Variants in C9orf72 observed in about 807,000 individuals in gnomAD.
The protein encoded by C9orf72 is guanine nucleotide exchange factor C9orf72.
C9orf72 carries 44 observed loss-of-function variants against 51.6 expected under a neutral mutation model. The ratio of observed to expected loss-of-function variants is 0.85; its 90% CI spans 0.67 to 1.10. The LOEUF is 1.10. C9orf72 is among the 50% of genes least tolerant of loss of function. The pLI is 0.00. For synonymous variants in C9orf72, 213 were observed against 194.2 expected, an observed-to-expected ratio of 1.10 and a Z score of -0.81; for missense variants, 607 against 570.6, an observed-to-expected ratio of 1.06 and a Z score of -0.65.
At chr9:27,573,178 G>A (rs1266370137) in intron 1 of C9orf72, among the ~76,000 whole-genome samples, 1 of 152,180 alleles carries the variant, frequency 6.6e-6, no homozygotes, top group African/African-American at 2.4e-5. Flanking sequence ...GGAAAGCAAG[G>A]AAGAGGCCAG....
chr9:27,565,712 G>GA (rs1819453039), intron 2 of C9orf72, 122 bp from the exon 3 acceptor site: 4 of 631,492 alleles, frequency 6.3e-6, no homozygotes, highest in Admixed American at 5.6e-5. Flanking sequence ...CTACTTTAGG[G>GA]AAAAAATGGG....
At chr9:27,561,743 A>C (rs1294491090) in intron 4 of C9orf72, 94 bp from the exon 5 acceptor site, 1 of 709,702 alleles carries the variant, frequency 1.4e-6, no homozygotes, top group Non-Finnish European at 2.4e-6. Context: ...GTCTGGATTC[A>C]ATATAACACA....
chr9:27,553,855 A>G (rs1820957021), intron 8 of C9orf72, among the ~76,000 whole-genome samples: 1 of 152,148 alleles, frequency 6.6e-6, no homozygotes, highest in Admixed American at 6.6e-5. Flanking sequence ...AACAAGCAAA[A>G]AACAACCCAC....
At chr9:27,556,871 T>C (rs1390600890) in intron 7 of C9orf72, 75 bp from the exon 8 acceptor site, 2 of 1,024,356 alleles carry the variant, frequency 2.0e-6, no homozygotes, top group Middle Eastern at 2.2e-4. Context: ...TTTTAAAAAA[T>C]GGTCTCTGAT....
chr9:27,561,199 C>T, intron 5 of C9orf72: 1 of 990,248 alleles, frequency 1.0e-6, no homozygotes. Flanking sequence ...AACTCCACTG[C>T]TGGATGGAAA....
intron 1 of C9orf72, among the ~76,000 whole-genome samples, chr9:27,571,464 T>C (rs1819584835): frequency 6.6e-6 from 1 of 152,152 alleles, no homozygotes; most frequent in African/African-American, 2.4e-5. Flanking sequence ...CCCTCACTTC[T>C]TGTTTTTTAG....
At chr9:27,565,366 G>A (rs539221679) in intron 3 of C9orf72, among the ~76,000 whole-genome samples, 165 bp downstream of exon 3, 10 of 151,852 alleles carry the variant, frequency 6.6e-5, no homozygotes, top group Non-Finnish European at 1.5e-5. Flanking sequence ...TAACTCTTTG[G>A]GTTTAAGATA....
chr9:27,562,626 T>G (rs1587314379), intron 3 of C9orf72, 150 bp from the exon 4 acceptor site: 1 of 427,996 alleles, frequency 2.3e-6, no homozygotes, highest in Non-Finnish European at 4.1e-6. Context: ...GTCTACTACA[T>G]GTCTAAAGGA....
intron 8 of C9orf72, among the ~76,000 whole-genome samples, chr9:27,555,087 G>C (rs556131945): frequency 2.0e-5 from 3 of 151,964 alleles, no homozygotes; most frequent in Admixed American, 2.0e-4. Context: ...ATCAAAAAAC[G>C]GAAAAAATAC....
chr9:27,563,461 G>T (rs1053454622), intron 3 of C9orf72, among the ~76,000 whole-genome samples: 12 of 152,076 alleles, frequency 7.9e-5, no homozygotes, highest in Non-Finnish European at 1.6e-4. Context: ...ATTGTCAAAT[G>T]ACTATGCATT....
intron 1 of C9orf72, among the ~76,000 whole-genome samples, chr9:27,573,213 G>T (rs1819628883): frequency 6.6e-6 from 1 of 151,354 alleles, no homozygotes; most frequent in African/African-American, 2.4e-5. Flanking sequence ...TCCCTGCGCC[G>T]CCGCCGCCGC....
rs1820821853 is a variant in C9orf72, at chr9:27,548,433, TGGA to T, written c.1260-14_1260-12del. 1.0e-5 allele frequency: 3 copies of T among 286,072 alleles called. No individual in the cohort carries two copies. The highest frequency in any genetic ancestry group is 1.3e-5 in the Non-Finnish European group (3 of 232,288). 17.7% of individuals were successfully genotyped at this position (286,072 alleles called of 1,614,324 possible). ...TTTTTTCCCTTCTGCCTAAAAATAATGGAAAAAAAAAAAAAAAAAAAAAAAAAA... is the reference window on the plus strand; with the variant it reads ...TTTTTTCCCTTCTGCCTAAAAATAATAAAAAAAAAAAAAAAAAAAAAAAAA... On this transcript the variant is annotated splice_polypyrimidine_tract_variant and intron_variant, in intron 10 of 10. Transcript: ENST00000380003.
intron 1 of C9orf72, among the ~76,000 whole-genome samples, chr9:27,571,988 A>C (rs984333545): frequency 6.6e-6 from 1 of 152,216 alleles, no homozygotes; most frequent in Non-Finnish European, 1.5e-5. Flanking sequence ...TTCTCAGACA[A>C]TAGGTAGGCT....
At chr9:27,560,762 G>C (rs1819323601) in intron 5 of C9orf72, 1 of 985,062 alleles carries the variant, frequency 1.0e-6, no homozygotes, top group Non-Finnish European at 1.2e-6. Context: ...TAAAGGAAAA[G>C]ACTGTGAACA....
intron 2 of C9orf72, among the ~76,000 whole-genome samples, chr9:27,566,386 TA>T (rs1052230007): frequency 3.0e-4 from 46 of 152,220 alleles, no homozygotes; most frequent in African/African-American, 1.1e-3. Context: ...CAAAAGGTAT[TA>T]GAGTCAAAGG....
intron 9 of C9orf72, among the ~76,000 whole-genome samples, chr9:27,549,598 A>G (rs1587298206): frequency 6.6e-6 from 1 of 151,704 alleles, no homozygotes; most frequent in African/African-American, 2.4e-5. Flanking sequence ...GAATGTTATT[A>G]TAACAAACTG....
rs1173519515 is a variant in C9orf72, at chr9:27,547,854, T to C, written c.*382A>G. 1 of 154,932 alleles carries C rather than the reference T, an allele frequency of 6.5e-6. No individual in the cohort carries two copies. The highest frequency in any genetic ancestry group is 1.4e-5 in the Non-Finnish European group (1 of 69,662). 9.6% of individuals were successfully genotyped at this position (154,932 alleles called of 1,614,324 possible). ...CTACACACCAAAGAATGCCAAAAGA[T>C]AGAAAGTCAACTATCTGTAAAAGCC... is the stretch of plus-strand genomic sequence containing the variant. On this transcript the variant is annotated 3_prime_UTR_variant, in exon 11 of 11. Coordinates refer to ENST00000380003, the MANE Select transcript of C9orf72 (RefSeq NM_018325.5).
At chr9:27,558,927 T>C in intron 6 of C9orf72, 1 of 193,856 alleles carries the variant, frequency 5.2e-6, no homozygotes, top group Non-Finnish European at 1.1e-5. Context: ...ATGCAACTTT[T>C]ATAGCTTCTG....
chr9:27,548,489 T>C (rs1186357635), intron 10 of C9orf72, 67 bp from the exon 11 acceptor site: 5 of 1,063,682 alleles, frequency 4.7e-6, no homozygotes, highest in East Asian at 2.8e-5. Context: ...ATATAGAAAA[T>C]GTACAAAGGA....
Sources: gnomAD v4.1 joint callset for allele counts (sites outside exome capture counted in the v4.1 genomes callset) on GRCh38, gnomAD v4.1.1 for gene constraint, MANE v1.5 for transcripts, NCBI Gene and HGNC (gene_info 2026-07-23, HGNC 2026-07-21) for gene names.